The following NTM variants were observed in gnomAD, a reference collection of about 807,000 sequenced individuals.
NTM encodes IgLON family member 2.
Under a neutral mutation model 42.1 loss-of-function variants are expected in NTM, and 13 were observed. The ratio of observed to expected loss-of-function variants is 0.31; its 90% CI spans 0.20 to 0.49. The LOEUF is 0.49. Among genes scored for constraint, NTM ranks in the 20% least tolerant of loss-of-function variants. The pLI, the probability that NTM is intolerant of heterozygous loss-of-function variation, is 0.99. For synonymous variants in NTM, 187 were observed against 179.2 expected, an observed-to-expected ratio of 1.04 and a Z score of -0.35; for missense variants, 373 against 452.8, an observed-to-expected ratio of 0.82 and a Z score of 1.60.
chr11:132,153,833 A>G (rs1330976946), intron 3 of NTM, among the ~76,000 whole-genome samples: 1 of 152,184 alleles, frequency 6.6e-6, no homozygotes, highest in Non-Finnish European at 1.5e-5. Context: ...ACTAACAAAT[A>G]TCTGTCTTAT....
In NTM at chr11:132,102,951, C is replaced by T. The variant is rs554997237; in HGVS notation, c.168-43331C>T. 5.9e-5 allele frequency among the ~76,000 whole-genome samples: 9 copies of T among 152,314 alleles called. No individual in the cohort carries two copies. The East Asian group carries it at 7.7e-4, about 13-fold the overall frequency. ...GGCATTAAACCAAGTGCAACTTTTC[C>T]GAACTGAGCACAACAGAGCCAAATT... On this transcript the variant is annotated intron_variant, in intron 2 of 8. Transcript: ENST00000683400.
intron 1 of NTM, among the ~76,000 whole-genome samples, chr11:131,631,035 T>A (rs1280661329): frequency 1.3e-5 from 2 of 152,238 alleles, no homozygotes; most frequent in Non-Finnish European, 2.9e-5. Context: ...AACTCTGTTC[T>A]GTTGATCAGA....
intron 1 of NTM, among the ~76,000 whole-genome samples, chr11:131,507,569 A>G (rs1248209643): frequency 6.6e-6 from 1 of 151,654 alleles, no homozygotes; most frequent in Non-Finnish European, 1.5e-5. Flanking sequence ...TGAACTTTAA[A>G]GTAGTTTTTT....
chr11:132,285,557 C>A (rs2094197658), intron 4 of NTM, among the ~76,000 whole-genome samples: 1 of 152,160 alleles, frequency 6.6e-6, no homozygotes, highest in Non-Finnish European at 1.5e-5. Context: ...CAGATTGGGG[C>A]ATCGGTGCAC....
intron 6 of NTM, 168 bp from the exon 7 acceptor site, chr11:132,314,380 ACTGT>A (rs928842167): frequency 3.6e-6 from 1 of 275,290 alleles, no homozygotes; most frequent in African/African-American, 2.3e-5. Flanking sequence ...CGTGTCACTC[ACTGT>A]CTGTGAACTA....
intron 4 of NTM, among the ~76,000 whole-genome samples, chr11:132,224,302 G>T (rs1159583504): frequency 6.6e-6 from 1 of 152,186 alleles, no homozygotes; most frequent in African/African-American, 2.4e-5. Context: ...GAAGGCTGAT[G>T]GTCTCGGGGA....
rs764747384 is a variant in NTM at position 131,661,150 on chromosome 11, G to C, written c.83-250414G>C. 4.2e-6 allele frequency: 3 copies of C among 717,086 alleles called. No individual in the cohort carries two copies. The African/African-American group carries it at 5.7e-5, about 14-fold the overall frequency. The allele number at this position is 717,086 out of a possible 1,614,324, so 44.4% of individuals were successfully genotyped here. ...TTTCCTCAGGACGGAAGGTCCAGGTGGTGACTGTGGCTTTTGAGATGATGA... is the reference window on the plus strand; with the variant it reads ...TTTCCTCAGGACGGAAGGTCCAGGTCGTGACTGTGGCTTTTGAGATGATGA... On this transcript the variant is annotated intron_variant, in intron 1 of 8. Transcript: ENST00000683400.
chr11:132,236,831 A>C (rs969555951), intron 4 of NTM, among the ~76,000 whole-genome samples: 1 of 152,102 alleles, frequency 6.6e-6, no homozygotes, highest in Non-Finnish European at 1.5e-5. Flanking sequence ...GAAAGAATGG[A>C]GTGAGGTGGA....
intron 2 of NTM, among the ~76,000 whole-genome samples, chr11:132,140,733 G>A (rs985790944): frequency 2.0e-5 from 3 of 152,128 alleles, no homozygotes; most frequent in African/African-American, 4.8e-5. Flanking sequence ...TCTCACAAGC[G>A]CAGATGTGGA....
chr11:131,876,555 T>C (rs1411929356), intron 1 of NTM, among the ~76,000 whole-genome samples: 1 of 152,238 alleles, frequency 6.6e-6, no homozygotes, highest in Non-Finnish European at 1.5e-5. Context: ...AAGAATATCA[T>C]ATGAGGCATT....
chr11:132,034,826 C>A (rs1490988009), intron 2 of NTM, among the ~76,000 whole-genome samples: 1 of 152,168 alleles, frequency 6.6e-6, no homozygotes, highest in African/African-American at 2.4e-5. Flanking sequence ...CCACAGTTCT[C>A]CAGATCTTGA....
rs1307800629 is a variant in NTM at position 132,146,856 on chromosome 11, A to G, written c.400+342A>G. The G allele has an allele frequency of 3.3e-6, 1 of 301,970 alleles. No individual in the cohort carries two copies. Among genetic ancestry groups the G allele is most frequent in the South Asian group, 4.9e-5 (1 of 20,586 alleles). 18.7% of individuals were successfully genotyped at this position (301,970 alleles called of 1,614,324 possible). On this transcript the variant is annotated intron_variant, in intron 3 of 8. Coordinates refer to ENST00000683400, the MANE Select transcript of NTM (RefSeq NM_001352005.2). The surrounding 1 kb of genome is among the most constrained non-coding windows in gnomAD (Gnocchi z 4.5). Reference sequence around the variant, plus strand: ...TGTTTTGTTTTGTTTTTTAGATTTCATCCAATTCCAAGACTGTGTTATGTT... The same window carrying G: ...TGTTTTGTTTTGTTTTTTAGATTTCGTCCAATTCCAAGACTGTGTTATGTT...
At chr11:132,022,174 T>A (rs1466307315) in intron 2 of NTM, among the ~76,000 whole-genome samples, 2 of 152,168 alleles carry the variant, frequency 1.3e-5, no homozygotes, top group Admixed American at 6.5e-5. Flanking sequence ...GGGGCTGGAG[T>A]CAGAATACCA....
intron 4 of NTM, among the ~76,000 whole-genome samples, chr11:132,216,304 AAAGACAAGTCTAGGATTCCT>A (rs2138754894): frequency 6.6e-6 from 1 of 152,342 alleles, no homozygotes; most frequent in South Asian, 2.1e-4. Flanking sequence ...TAAGAGCTTT[AAAGACAAGTCTAGGATTCCT>A]ACATTGCCAC....
chr11:132,170,468 T>C (rs2075962988), intron 3 of NTM, among the ~76,000 whole-genome samples: 1 of 152,232 alleles, frequency 6.6e-6, no homozygotes, highest in Non-Finnish European at 1.5e-5. Context: ...CTCCCTCTAA[T>C]ATCTACCTCT....
At chr11:131,444,087 A>C (rs1395894485) in intron 1 of NTM, among the ~76,000 whole-genome samples, 1 of 151,842 alleles carries the variant, frequency 6.6e-6, no homozygotes, top group Non-Finnish European at 1.5e-5. Flanking sequence ...AGTAATAGAA[A>C]ACTTACATAG....
intron 1 of NTM, among the ~76,000 whole-genome samples, chr11:131,585,809 G>A (rs761517368): frequency 1.3e-5 from 2 of 151,990 alleles, no homozygotes; most frequent in Non-Finnish European, 2.9e-5. Flanking sequence ...TTCTCTTTGT[G>A]TCCTTTCCTT....
intron 3 of NTM, among the ~76,000 whole-genome samples, chr11:132,159,240 G>A (rs768282627): frequency 1.8e-3 from 271 of 152,226 alleles, no homozygotes; most frequent in Non-Finnish European, 1.4e-3. Context: ...CATGGCCAGA[G>A]GGCACATATA....
At chr11:131,784,788 G>C (rs1043446931) in intron 1 of NTM, among the ~76,000 whole-genome samples, 4 of 152,184 alleles carry the variant, frequency 2.6e-5, no homozygotes, top group Non-Finnish European at 2.9e-5. Flanking sequence ...AAGTTGGTTA[G>C]AGAGTTCACA....
Sources: allele counts gnomAD v4.1 joint callset (sites outside exome capture counted in the v4.1 genomes callset), GRCh38; gene constraint gnomAD v4.1.1; non-coding constraint Gnocchi (gnomAD v3.1); transcripts MANE v1.5; gene names NCBI Gene and HGNC (gene_info 2026-07-23, HGNC 2026-07-21).